Variants in CLVS1 observed in about 807,000 individuals in gnomAD.
The protein encoded by CLVS1 is clavesin-1.
In CLVS1, 10 loss-of-function variants were observed where a neutral mutation model predicts 33.1. The ratio of observed to expected loss-of-function variants is 0.30; its 90% CI spans 0.19 to 0.51. The LOEUF (loss-of-function observed/expected upper bound fraction) is 0.51. CLVS1 is among the 20% of genes least tolerant of loss of function. The probability of loss-of-function intolerance (pLI) is 0.97; values close to 1 mark genes in which losing one functional copy is unlikely to be tolerated. For synonymous variants in CLVS1, 163 were observed against 166.1 expected (o/e 0.98, Z 0.14); for missense variants, 343 against 433.4 (o/e 0.79, Z 1.85).
At chr8:61,059,475 C>CATACATATCT (rs59538219) in intron 1 of CLVS1, among the ~76,000 whole-genome samples, 7 of 50,206 alleles carry the variant, frequency 1.4e-4, no homozygotes, top group African/African-American at 4.2e-4. Context: ...TACATACATA[C>CATACATATCT]ATATATATAT....
chr8:61,126,421 T>A (rs551430180), intron 1 of CLVS1, among the ~76,000 whole-genome samples: 41 of 152,222 alleles, frequency 2.7e-4, no homozygotes, highest in Non-Finnish European at 5.9e-4. Flanking sequence ...TGGGTTAGCA[T>A]CTTGCCTGGC....
chr8:61,029,678 C>A, the CLVS1 span, among the ~76,000 whole-genome samples: 1 of 151,860 alleles, frequency 6.6e-6, no homozygotes, highest in Non-Finnish European at 1.5e-5. Flanking sequence ...ATACAAGTGT[C>A]ATGGTGGTTT....
upstream of CLVS1, among the ~76,000 whole-genome samples, chr8:61,284,043 A>G (rs143122051): frequency 1.3e-5 from 2 of 152,380 alleles, no homozygotes; most frequent in African/African-American, 4.8e-5. Context: ...CCTGTAACAA[A>G]GAATGAAATC....
At position 61,059,499 on chromosome 8, in the gene CLVS1, T is replaced by TATATATATATATATATATATATATACAC. The variant is rs1265187479; in HGVS notation, c.-243+2270_-243+2271insTATATATATATATATATATATATACACA. On this transcript the variant is annotated intron_variant, in intron 1 of 2. Transcript: ENST00000522621. ...ACATATATATATATATATATATATA[T>TATATATATATATATATATATATATACAC]ACACATATCTTGAAAATAGCACGAG... Among the ~76,000 whole-genome samples the TATATATATATATATATATATATATACAC allele has an allele frequency of 1.4e-3, 134 of 96,254 alleles. 2 individuals carry two copies. The highest frequency in any genetic ancestry group is 1.8e-3 in the Non-Finnish European group (88 of 50,190). 63.1% of individuals were successfully genotyped at this position (96,254 alleles called of 152,430 possible). A position where few individuals can be genotyped will look rare whatever the true frequency, so the allele number is the denominator to read the frequency against.
the CLVS1 span, among the ~76,000 whole-genome samples, chr8:60,971,175 C>T: frequency 6.7e-6 from 1 of 148,232 alleles, no homozygotes; most frequent in South Asian, 2.2e-4. Flanking sequence ...CTCCTTAGCT[C>T]AGGTGATCCT....
At chr8:61,130,279 A>AAATATG (rs1563414164) in intron 1 of CLVS1, among the ~76,000 whole-genome samples, 2 of 150,112 alleles carry the variant, frequency 1.3e-5, no homozygotes, top group African/African-American at 2.5e-5. Flanking sequence ...AAATAAATAT[A>AAATATG]AAAATAATTT....
At chr8:61,129,360 G>A (rs1301027998) in intron 1 of CLVS1, among the ~76,000 whole-genome samples, 3 of 152,242 alleles carry the variant, frequency 2.0e-5, no homozygotes, top group Non-Finnish European at 4.4e-5. Flanking sequence ...ATGAAGTAGA[G>A]CTCCTGGTTC....
At chr8:61,405,637 A>G (rs1455408552) in intron 3 of CLVS1, among the ~76,000 whole-genome samples, 1 of 152,076 alleles carries the variant, frequency 6.6e-6, no homozygotes, top group Non-Finnish European at 1.5e-5. Flanking sequence ...TGGGTAGTCA[A>G]GGGCCAAAAT....
chr8:61,312,127 C>T (rs1585786864), intron 2 of CLVS1, among the ~76,000 whole-genome samples: 1 of 152,168 alleles, frequency 6.6e-6, no homozygotes, highest in Non-Finnish European at 1.5e-5. Context: ...AGTTTTGTCC[C>T]CATAAGGAAG....
chr8:61,360,792 C>T (rs759503753), intron 2 of CLVS1, among the ~76,000 whole-genome samples: 9 of 152,246 alleles, frequency 5.9e-5, no homozygotes, highest in East Asian at 1.9e-4. Context: ...GAATTTGTGA[C>T]GACTTGCTTA....
intron 2 of CLVS1, among the ~76,000 whole-genome samples, chr8:61,345,640 G>A (rs12549210): frequency 1.6e-5 from 2 of 122,328 alleles, no homozygotes; most frequent in Non-Finnish European, 3.6e-5. Flanking sequence ...GTGTGTGTAT[G>A]TGTGTGTGTG....
At chr8:61,080,165 TAACAA>T (rs1804996064) in intron 1 of CLVS1, among the ~76,000 whole-genome samples, 1 of 152,210 alleles carries the variant, frequency 6.6e-6, no homozygotes, top group Non-Finnish European at 1.5e-5. Context: ...TCACTATTTG[TAACAA>T]AACAAAACAA....
At chr8:61,472,036 C>G (rs1817753433) in intron 5 of CLVS1, among the ~76,000 whole-genome samples, 1 of 152,200 alleles carries the variant, frequency 6.6e-6, no homozygotes, top group African/African-American at 2.4e-5. Context: ...ATGCTCCTCC[C>G]CTTGCTCAAG....
At chr8:60,996,600 T>A in the CLVS1 span, among the ~76,000 whole-genome samples, 2 of 152,196 alleles carry the variant, frequency 1.3e-5, no homozygotes, top group Admixed American at 1.3e-4. Context: ...GAGACTGCTA[T>A]TGGGCCTCTA....
chr8:61,386,511 A>G (rs1386557827), intron 3 of CLVS1, among the ~76,000 whole-genome samples: 1 of 152,202 alleles, frequency 6.6e-6, no homozygotes, highest in Non-Finnish European at 1.5e-5. Flanking sequence ...GAAAAAGAGT[A>G]CTATGACTGA....
intron 1 of CLVS1, among the ~76,000 whole-genome samples, chr8:61,063,053 A>C (rs897007640): frequency 6.6e-6 from 1 of 152,152 alleles, no homozygotes; most frequent in African/African-American, 2.4e-5. Context: ...TGTTTGAAAG[A>C]TAAAACTTAG....
intron 1 of CLVS1, among the ~76,000 whole-genome samples, chr8:61,101,025 G>T (rs1043579734): frequency 2.0e-5 from 3 of 152,104 alleles, no homozygotes; most frequent in African/African-American, 7.2e-5. Flanking sequence ...GAATAATCCT[G>T]ATATGGACAC....
chr8:61,181,818 GC>G (rs1195419501), intron 2 of CLVS1, among the ~76,000 whole-genome samples: 1 of 149,284 alleles, frequency 6.7e-6, no homozygotes, highest in East Asian at 2.0e-4. Context: ...TCCTGCCTCA[GC>G]CTCCCGAGTA....
intron 2 of CLVS1, among the ~76,000 whole-genome samples, chr8:61,319,027 T>A (rs923068173): frequency 1.3e-5 from 2 of 152,358 alleles, no homozygotes; most frequent in Non-Finnish European, 1.5e-5. Flanking sequence ...TTCTATTTTT[T>A]ATCTTTGAAT....
Sources: allele counts gnomAD v4.1 joint callset (sites outside exome capture counted in the v4.1 genomes callset), GRCh38; gene constraint gnomAD v4.1.1; transcripts MANE v1.5; gene names NCBI Gene and HGNC (gene_info 2026-07-23, HGNC 2026-07-21).